PTAFR: variants seen among roughly 807,000 people sequenced by gnomAD.
The protein encoded by PTAFR is platelet activating factor receptor, also known as platelet-activating factor receptor.
In PTAFR, 8 loss-of-function variants were observed where a neutral mutation model predicts 14.7. The observed-to-expected ratio is 0.54, with a 90% CI of 0.32 to 0.98. The LOEUF (loss-of-function observed/expected upper bound fraction) is 0.98, where lower values mean the gene tolerates loss of function less well. PTAFR is among the 50% of genes least tolerant of loss of function. The pLI, the probability that PTAFR is intolerant of heterozygous loss-of-function variation, is 0.04. For synonymous variants in PTAFR, 156 were observed against 176.5 expected, an observed-to-expected ratio of 0.88 and a Z score of 0.92; for missense variants, 337 against 451.2, an observed-to-expected ratio of 0.75 and a Z score of 2.29.
chr1:28,190,793 C>T (rs1275778352), intron 1 of PTAFR, among the ~76,000 whole-genome samples: 1 of 152,148 alleles, frequency 6.6e-6, no homozygotes, highest in Non-Finnish European at 1.5e-5. Context: ...TCTCTTCCTC[C>T]TCACCACAAC....
intron 1 of PTAFR, among the ~76,000 whole-genome samples, chr1:28,191,462 A>G (rs1438034336): frequency 6.6e-6 from 1 of 152,188 alleles, no homozygotes; most frequent in Non-Finnish European, 1.5e-5. Context: ...AGCCGGGCGC[A>G]GTGGTATATG....
intron 1 of PTAFR, among the ~76,000 whole-genome samples, chr1:28,171,978 A>T (rs1477889023): frequency 6.6e-6 from 1 of 151,880 alleles, no homozygotes; most frequent in African/African-American, 2.4e-5. Context: ...CACTGGGCAC[A>T]TCATGCCTCT....
At position 28,167,150 on chromosome 1, in the gene PTAFR, C is replaced by A. The variant is rs779719753; in HGVS notation, c.-39+9442G>T. ...ATAATCTCCATGAAGCAAAGGAAAA[C>A]AATCAGCAGAGTGGAAAGGCAACCT... On this transcript the variant is annotated intron_variant, in intron 1 of 1. Transcript: ENST00000373857. 2.0e-5 allele frequency among the ~76,000 whole-genome samples: 3 copies of A among 152,068 alleles called. No individual in the cohort carries two copies. The South Asian group carries it at 6.2e-4, about 31-fold the overall frequency.
intron 1 of PTAFR, among the ~76,000 whole-genome samples, chr1:28,162,258 C>T (rs1557689137): frequency 6.6e-6 from 1 of 152,132 alleles, no homozygotes; most frequent in African/African-American, 2.4e-5. Flanking sequence ...GTGGCATGGA[C>T]CAGAAAGTGG....
intron 1 of PTAFR, among the ~76,000 whole-genome samples, chr1:28,165,113 C>G (rs560962365): frequency 1.2e-4 from 18 of 152,168 alleles, no homozygotes; most frequent in African/African-American, 4.3e-4. Flanking sequence ...TAGAAATAAA[C>G]TTAACCAGCC....
intron 1 of PTAFR, among the ~76,000 whole-genome samples, chr1:28,163,824 T>A (rs930834802): frequency 5.3e-5 from 8 of 152,152 alleles, no homozygotes; most frequent in African/African-American, 1.9e-4. Flanking sequence ...AGCCTCCAGC[T>A]AATGGCAACA....
intron 1 of PTAFR, among the ~76,000 whole-genome samples, chr1:28,160,775 G>A (rs1033366492): frequency 3.3e-5 from 5 of 152,002 alleles, no homozygotes; most frequent in Admixed American, 3.3e-4. Context: ...ATCAGTAAGG[G>A]GAGTGCTGGT....
intron 1 of PTAFR, among the ~76,000 whole-genome samples, chr1:28,188,784 C>T (rs1304494953): frequency 1.3e-5 from 2 of 151,714 alleles, no homozygotes; most frequent in Admixed American, 1.3e-4. Flanking sequence ...AAGATATTTG[C>T]AACATATATA....
At position 28,150,707 on chromosome 1, in the gene PTAFR, C is replaced by T; in HGVS notation, c.315G>A (p.Val105=). 1.2e-6 allele frequency: 2 copies of T among 1,614,130 alleles called. No individual in the cohort carries two copies. The highest frequency in any genetic ancestry group is 2.2e-5 in the South Asian group (2 of 91,074). ...TATAAGTGATGACGCCCAGGAAGGC[C>T]ACAGAGCAGTAGGTGTTGATGAAGA... The part of the protein sequence containing the change: ...CLFFINTYCS[V]AFLGVITYNR... Residue 105 remains valine, a synonymous_variant, in exon 2 of 2, where the codon GTG becomes GTA. Transcript: ENST00000373857. This position sits in a 1 kb window ranked among gnomAD's most constrained non-coding sequence, Gnocchi z 6.3.
intron 1 of PTAFR, among the ~76,000 whole-genome samples, chr1:28,172,921 GTT>G (rs1006017041): frequency 2.6e-5 from 4 of 152,050 alleles, no homozygotes; most frequent in Non-Finnish European, 5.9e-5. Flanking sequence ...GGTGGTGACA[GTT>G]TTGGGTAAAC....
chr1:28,172,119 G>A (rs534030388), intron 1 of PTAFR, among the ~76,000 whole-genome samples: 3 of 152,144 alleles, frequency 2.0e-5, no homozygotes, highest in South Asian at 4.1e-4. Context: ...AGGTTCAAGC[G>A]ATCCTCATGT....
At chr1:28,177,712 G>T (rs980184829), upstream of PTAFR, among the ~76,000 whole-genome samples, 1 of 151,834 alleles carries the variant, frequency 6.6e-6, no homozygotes, top group Admixed American at 6.6e-5. Flanking sequence ...GGTTTGATTA[G>T]ATTCAAATTT....
At position 28,150,459 on chromosome 1, in the gene PTAFR, T is replaced by A; in HGVS notation, c.563A>T (p.His188Leu). 6.2e-7 allele frequency: 1 copy of A among 1,614,078 alleles called. No homozygotes were observed. The highest frequency in any genetic ancestry group is 8.5e-7 in the Non-Finnish European group (1 of 1,180,018). ...GAAGAAGCTGAACACGATGAAGATG[T>A]GGATGATGAGGACTGGCACGCTGCC... ...EKGSVPVLII[H>L]IFIVFSFFLV... is the part of the protein sequence containing the mutation. The change falls in exon 2 of 2, where the codon CAC becomes CTC. Residue 188 changes from histidine (H) to leucine (L), a missense_variant. Transcript: ENST00000373857. This position sits in a 1 kb window ranked among gnomAD's most constrained non-coding sequence, Gnocchi z 6.3.
At chr1:28,182,154 G>A (rs1269102929) in intron 1 of PTAFR, among the ~76,000 whole-genome samples, 14 of 150,956 alleles carry the variant, frequency 9.3e-5, no homozygotes, top group Non-Finnish European at 2.1e-4. Flanking sequence ...TGGCCAACAT[G>A]GTGAAACCCC....
chr1:28,190,461 T>C (rs1646643103), intron 1 of PTAFR, among the ~76,000 whole-genome samples: 1 of 152,326 alleles, frequency 6.6e-6, no homozygotes. Flanking sequence ...TGTTTTGTAA[T>C]ATTATTCTAC....
chr1:28,159,230 A>T (rs569912021), intron 1 of PTAFR, among the ~76,000 whole-genome samples: 1 of 152,250 alleles, frequency 6.6e-6, no homozygotes, highest in East Asian at 1.9e-4. Context: ...AACCCTGAAG[A>T]GCCCAACATC....
At chr1:28,173,690 C>T (rs1172790198) in intron 1 of PTAFR, among the ~76,000 whole-genome samples, 3 of 150,982 alleles carry the variant, frequency 2.0e-5, no homozygotes, top group African/African-American at 7.3e-5. Flanking sequence ...GGGGTATGCA[C>T]AAATTTGGTT....
intron 1 of PTAFR, among the ~76,000 whole-genome samples, chr1:28,154,295 G>C (rs1050259376): frequency 4.5e-4 from 69 of 152,094 alleles, no homozygotes; most frequent in Non-Finnish European, 8.5e-4. Flanking sequence ...AGGTCACACG[G>C]CTATTAAGGA....
At chr1:28,154,370 C>T (rs1026135175) in intron 1 of PTAFR, among the ~76,000 whole-genome samples, 2 of 152,146 alleles carry the variant, frequency 1.3e-5, no homozygotes, top group Non-Finnish European at 2.9e-5. Flanking sequence ...TATTTCTGAG[C>T]ACCAACTGCA....
Sources: allele counts gnomAD v4.1 joint callset (sites outside exome capture counted in the v4.1 genomes callset), GRCh38; gene constraint gnomAD v4.1.1; non-coding constraint Gnocchi (gnomAD v3.1); transcripts MANE v1.5; gene names NCBI Gene and HGNC (gene_info 2026-07-23, HGNC 2026-07-21).